The following KAZN variants were observed in gnomAD, a reference collection of about 807,000 sequenced individuals.
KAZN encodes kazrin.
KAZN carries 40 observed loss-of-function variants against 87.4 expected under a neutral mutation model. The ratio of observed to expected loss-of-function variants is 0.46; its 90% CI spans 0.36 to 0.60. The LOEUF (loss-of-function observed/expected upper bound fraction) is 0.60, where lower values mean the gene tolerates loss of function less well. Among genes scored for constraint, KAZN ranks in the 20% least tolerant of loss-of-function variants. The probability of loss-of-function intolerance (pLI) is 0.00; values close to 1 mark genes in which losing one functional copy is unlikely to be tolerated. For synonymous variants in KAZN, 466 were observed against 458.3 expected (o/e 1.02, Z -0.22); for missense variants, 898 against 1,073.9 (o/e 0.84, Z 2.29).
chr1:14,402,697 C>G (rs1322976082), intron 2 of KAZN, among the ~76,000 whole-genome samples: 2 of 151,880 alleles, frequency 1.3e-5, no homozygotes, highest in Non-Finnish European at 2.9e-5. Flanking sequence ...TGAAAAAGAA[C>G]AAAAAAGAAG....
At chr1:15,092,048 T>C (rs1640557173) in intron 8 of KAZN, among the ~76,000 whole-genome samples, 2 of 130,988 alleles carry the variant, frequency 1.5e-5, no homozygotes, top group African/African-American at 6.5e-5. Flanking sequence ...TAATCAGAGG[T>C]TTTGTTTTTT....
chr1:14,065,156 C>T (rs1642958408), intron 1 of KAZN, among the ~76,000 whole-genome samples: 1 of 152,222 alleles, frequency 6.6e-6, no homozygotes, highest in Non-Finnish European at 1.5e-5. Flanking sequence ...GGTAGAATTT[C>T]ATCCAATGTT....
intron 2 of KAZN, among the ~76,000 whole-genome samples, chr1:14,544,760 G>A (rs1008298105): frequency 6.6e-6 from 1 of 150,908 alleles, no homozygotes; most frequent in Non-Finnish European, 1.5e-5. Context: ...AAAAAAGATT[G>A]GGTCTCACTA....
intron 1 of KAZN, among the ~76,000 whole-genome samples, chr1:14,171,269 C>T (rs1645949082): frequency 6.6e-6 from 1 of 152,144 alleles, no homozygotes; most frequent in Non-Finnish European, 1.5e-5. Context: ...TGAGTGTTTG[C>T]TAGAACACTT....
intron 1 of KAZN, among the ~76,000 whole-genome samples, chr1:14,775,535 A>G (rs1326419395): frequency 1.3e-5 from 2 of 152,236 alleles, no homozygotes; most frequent in East Asian, 3.9e-4. Flanking sequence ...GAGAAGGTAG[A>G]TCATGAGAAC....
chr1:13,975,425 A>G (rs1299442323), intron 1 of KAZN, among the ~76,000 whole-genome samples: 20 of 152,232 alleles, frequency 1.3e-4, no homozygotes, highest in Non-Finnish European at 5.9e-5. Flanking sequence ...GATGCTTCAG[A>G]GGCTCGACTC....
At chr1:13,935,328 G>A (rs1249043149) in intron 1 of KAZN, among the ~76,000 whole-genome samples, 1 of 151,990 alleles carries the variant, frequency 6.6e-6, no homozygotes, top group African/African-American at 2.4e-5. Flanking sequence ...TTTCCAACAA[G>A]CTGAACTGTT....
intron 2 of KAZN, among the ~76,000 whole-genome samples, chr1:14,962,313 C>T (rs545089233): frequency 6.6e-6 from 1 of 152,248 alleles, no homozygotes; most frequent in South Asian, 2.1e-4. Context: ...GGTAGATGAC[C>T]CTCTTCTTCT....
chr1:14,096,469 C>T (rs1322410623), intron 1 of KAZN, among the ~76,000 whole-genome samples: 2 of 152,194 alleles, frequency 1.3e-5, no homozygotes, highest in Non-Finnish European at 2.9e-5. Context: ...GGCTCACCAC[C>T]TGCTGACAAA....
chr1:14,295,351 C>T (rs535718636), intron 2 of KAZN, among the ~76,000 whole-genome samples: 1 of 152,198 alleles, frequency 6.6e-6, no homozygotes, highest in Non-Finnish European at 1.5e-5. Flanking sequence ...TTCTGCCTCT[C>T]CTTCCCATGA....
At chr1:14,512,952 A>G (rs1670995570) in intron 2 of KAZN, among the ~76,000 whole-genome samples, 1 of 152,168 alleles carries the variant, frequency 6.6e-6, no homozygotes, top group African/African-American at 2.4e-5. Flanking sequence ...AAAAGCAGGC[A>G]AGTTTAGAGT....
intron 2 of KAZN, among the ~76,000 whole-genome samples, chr1:14,417,646 C>T (rs1018834461): frequency 6.6e-6 from 1 of 152,084 alleles, no homozygotes; most frequent in East Asian, 1.9e-4. Flanking sequence ...TAGGAAAGAA[C>T]AGCCTTGGTC....
intron 1 of KAZN, among the ~76,000 whole-genome samples, chr1:13,945,704 T>TGAGAGAGA (rs1488989946): frequency 2.1e-4 from 29 of 139,794 alleles, no homozygotes; most frequent in African/African-American, 7.6e-4. Context: ...TGTGTGTGTG[T>TGAGAGAGA]GTGTGTGAGA....
chr1:14,145,308 G>A (rs1006182322), intron 1 of KAZN, among the ~76,000 whole-genome samples: 2 of 152,054 alleles, frequency 1.3e-5, no homozygotes, highest in Non-Finnish European at 2.9e-5. Context: ...AGCCGGGCAT[G>A]GTGGCATGTT....
Position 15,094,360 on chromosome 1 carries a change from G to A in KAZN, c.1403G>A (p.Cys468Tyr). 6.2e-7 allele frequency: 1 copy of A among 1,613,566 alleles called. No homozygotes were observed. Among genetic ancestry groups the A allele is most frequent in the Non-Finnish European group, 8.5e-7 (1 of 1,179,710 alleles). The part of the protein sequence containing the change: ...VMAMPMYVKA[C>Y]TENVKSGKVL... ...GCCATGCCTATGTACGTCAAGGCCT[G>A]CACGGAGAACGTGAAGAGCGGGAAG... Residue 468 changes from cysteine (C) to tyrosine (Y), a missense_variant, in exon 9 of 15, where the codon TGC becomes TAC. Cys to Tyr is a radical substitution (Grantham distance 194, BLOSUM62 -2). This residue lies in a region of KAZN where 521 missense variants were observed against 689.4 expected (regional missense o/e 0.76). Transcript: ENST00000376030. The surrounding 1 kb of genome is among the most constrained non-coding windows in gnomAD (Gnocchi z 4.5).
At chr1:15,101,184 C>CTCTCTCTCTCTCTCTCTCTCTCTCTT (rs995188233) in intron 10 of KAZN, among the ~76,000 whole-genome samples, 1 of 151,512 alleles carries the variant, frequency 6.6e-6, no homozygotes. Context: ...CTCTCTCTCT[C>CTCTCTCTCTCTCTCTCTCTCTCTCTT]TCTGCCTCTT....
At chr1:14,519,841 G>C (rs913635157) in intron 2 of KAZN, among the ~76,000 whole-genome samples, 5 of 152,064 alleles carry the variant, frequency 3.3e-5, no homozygotes, top group African/African-American at 1.2e-4. Flanking sequence ...GTCTGAGCTA[G>C]AAGTGGATAG....
chr1:14,852,450 C>T (rs1332676327), intron 1 of KAZN, among the ~76,000 whole-genome samples: 3 of 152,212 alleles, frequency 2.0e-5, no homozygotes, highest in Non-Finnish European at 2.9e-5. Flanking sequence ...AAATCCTTCC[C>T]GGGAGGCAGC....
intron 1 of KAZN, among the ~76,000 whole-genome samples, chr1:13,961,454 G>T (rs1396760838): frequency 6.6e-6 from 1 of 152,168 alleles, no homozygotes; most frequent in Non-Finnish European, 1.5e-5. Flanking sequence ...TGGTGGATGG[G>T]AGTCATTTTG....
Sources: gnomAD v4.1 joint callset for allele counts (sites outside exome capture counted in the v4.1 genomes callset) on GRCh38, gnomAD v4.1.1 for gene constraint, gnomAD v4.1.1 regional missense constraint, Gnocchi (gnomAD v3.1) non-coding constraint, MANE v1.5 for transcripts, NCBI Gene and HGNC (gene_info 2026-07-23, HGNC 2026-07-21) for gene names.